AGO1: variants seen among roughly 807,000 people sequenced by gnomAD.
The protein encoded by AGO1 is argonaute RISC component 1.
A neutral mutation model predicts 109.2 loss-of-function variants in AGO1; 11 were observed. The ratio of observed to expected loss-of-function variants is 0.10; its 90% CI spans 0.06 to 0.17. The LOEUF (loss-of-function observed/expected upper bound fraction) is 0.17, where lower values mean the gene tolerates loss of function less well. AGO1 is among the 10% of genes least tolerant of loss of function. The probability of loss-of-function intolerance (pLI) is 1.00; values close to 1 mark genes in which losing one functional copy is unlikely to be tolerated. For synonymous variants in AGO1, 422 were observed against 418.6 expected, an observed-to-expected ratio of 1.01 and a Z score of -0.10; for missense variants, 574 against 1,140.3, an observed-to-expected ratio of 0.50 and a Z score of 7.15.
rs1253558654 is a variant in AGO1 at position 35,920,601 on chromosome 1, A to G, written c.*994A>G. ...CTCAAGATGGTTAAAATCCATTGACATTTGCACTTTCAAACATGACAAGTC... is the reference window on the plus strand; with the variant it reads ...CTCAAGATGGTTAAAATCCATTGACGTTTGCACTTTCAAACATGACAAGTC... On this transcript the variant is annotated 3_prime_UTR_variant, in exon 19 of 19. Coordinates refer to ENST00000373204, the MANE Select transcript of AGO1 (RefSeq NM_012199.5). The G allele has an allele frequency of 6.6e-6, 1 of 152,506 alleles. No individual in the cohort carries two copies. Among genetic ancestry groups the G allele is most frequent in the Non-Finnish European group, 1.5e-5 (1 of 68,034 alleles). The allele number at this position is 152,506 out of a possible 1,614,324, so 9.4% of individuals were successfully genotyped here.
chr1:35,917,687 G>A lies in AGO1; in HGVS notation c.2123G>A (p.Arg708His), dbSNP rs773801844. ...PGITYIVVQK[R>H]HHTRLFCADK... ...ATCACTTATATTGTGGTGCAGAAAC[G>A]CCATCACACCCGCCTTTTCTGTGCT... The change falls in exon 16 of 19, where the codon CGC becomes CAC. Residue 708 changes from arginine to histidine, a missense_variant. Physicochemically the swap from Arg to His is conservative, Grantham distance 29. Coordinates refer to ENST00000373204, the MANE Select transcript of AGO1 (RefSeq NM_012199.5). 1.9e-6 allele frequency: 3 copies of A among 1,613,362 alleles called. No homozygotes were observed. The highest frequency in any genetic ancestry group is 1.7e-6 in the Non-Finnish European group (2 of 1,179,540).
Position 35,893,349 on chromosome 1 carries a change from A to T in AGO1, c.512+71A>T. Reference sequence around the variant, plus strand: ...GCTGTCAGGGGAGGAGGGGGAGCACATATTAAGGTCCCACAGAGTGCCATT... The same window carrying T: ...GCTGTCAGGGGAGGAGGGGGAGCACTTATTAAGGTCCCACAGAGTGCCATT... On this transcript the variant is annotated intron_variant, in intron 4 of 18. Coordinates refer to ENST00000373204, the MANE Select transcript of AGO1 (RefSeq NM_012199.5). The surrounding 1 kb of genome is among the most constrained non-coding windows in gnomAD (Gnocchi z 5.6). 6.6e-7 allele frequency: 1 copy of T among 1,513,010 alleles called. No individual in the cohort carries two copies. The highest frequency in any genetic ancestry group is 8.9e-7 in the Non-Finnish European group (1 of 1,118,330). 93.7% of individuals were successfully genotyped at this position (1,513,010 alleles called of 1,614,324 possible). A position where few individuals can be genotyped will look rare whatever the true frequency, so the allele number is the denominator to read the frequency against.
At chr1:35,878,932 T>C (rs1019564500), upstream of AGO1, among the ~76,000 whole-genome samples, 5 of 152,022 alleles carry the variant, frequency 3.3e-5, no homozygotes, top group African/African-American at 1.2e-4. Context: ...AAATGTAGAT[T>C]GGGATGCAAA....
At chr1:35,891,918 C>T (rs1645227141) in intron 2 of AGO1, among the ~76,000 whole-genome samples, 1 of 149,978 alleles carries the variant, frequency 6.7e-6, no homozygotes, top group Non-Finnish European at 1.5e-5. Flanking sequence ...CGCTGTGTCC[C>T]CCAGGCCGGA....
At chr1:35,885,005 C>G (rs977391263) in intron 1 of AGO1, among the ~76,000 whole-genome samples, 3 of 152,074 alleles carry the variant, frequency 2.0e-5, no homozygotes, top group Admixed American at 6.6e-5. Flanking sequence ...CCCTCCCACC[C>G]TCCCAAGGAA....
In AGO1 at chr1:35,895,196, T is replaced by G; in HGVS notation, c.947T>G (p.Leu316Arg). The change falls in exon 8 of 19, where the codon CTT (leucine) becomes CGT (arginine). Residue 316 changes from leucine (L) to arginine (R), a missense_variant. Physicochemically the swap from Leu to Arg is moderately radical, Grantham distance 102. Around this residue, in one of 8 missense-constraint regions of AGO1, gnomAD observed 42 missense variants for 142.4 expected, o/e 0.29. Transcript: ENST00000373204. ...VAQYFKQKYN[L>R]QLKYPHLPCL... The stretch of plus-strand genomic sequence containing the variant: ...CAGTATTTCAAGCAGAAATATAACC[T>G]TCAGCTCAAGTATCCCCATCTGCCC... 1 of 1,614,108 alleles carries G rather than the reference T, an allele frequency of 6.2e-7. No homozygotes were observed. Among genetic ancestry groups the G allele is most frequent in the Non-Finnish European group, 8.5e-7 (1 of 1,180,012 alleles).
Position 35,888,708 on chromosome 1 carries a change from C to A in AGO1, c.209+98C>A. The A allele has an allele frequency of 2.2e-6, 3 of 1,364,572 alleles. No homozygotes were observed. Among genetic ancestry groups the A allele is most frequent in the South Asian group, 1.5e-5 (1 of 68,876 alleles). The allele number at this position is 1,364,572 out of a possible 1,614,324, so 84.5% of individuals were successfully genotyped here. A position where few individuals can be genotyped will look rare whatever the true frequency, so the allele number is the denominator to read the frequency against. On this transcript the variant is annotated intron_variant, in intron 2 of 18. Coordinates refer to ENST00000373204, the MANE Select transcript of AGO1 (RefSeq NM_012199.5). This position sits in a 1 kb window ranked among gnomAD's most constrained non-coding sequence, Gnocchi z 4.1. Reference sequence around the variant, plus strand: ...AAAAACCAGTAGAGGGTAGTATCACCAAATCTAAGGAAGTTTTTGAACGGG... The same window carrying A: ...AAAAACCAGTAGAGGGTAGTATCACAAAATCTAAGGAAGTTTTTGAACGGG...
chr1:35,911,694 A>G (rs1325250451), intron 12 of AGO1, among the ~76,000 whole-genome samples: 1 of 152,218 alleles, frequency 6.6e-6, no homozygotes, highest in Admixed American at 6.5e-5. Flanking sequence ...TTCCATTGAA[A>G]GCATACCAAA....
intron 1 of AGO1, among the ~76,000 whole-genome samples, chr1:35,870,799 C>G (rs1460400740): frequency 6.6e-6 from 1 of 152,136 alleles, no homozygotes; most frequent in Non-Finnish European, 1.5e-5. Context: ...TTTACCCTTG[C>G]TTTTTCTGTA....
chr1:35,894,223 G>C (rs1370784150), intron 6 of AGO1, 52 bp downstream of exon 6: 1 of 1,579,770 alleles, frequency 6.3e-7, no homozygotes, highest in Admixed American at 1.8e-5. Flanking sequence ...AGCCCTAAGA[G>C]GAAATCCCCT....
At chr1:35,909,902 C>T (rs2148720573) in intron 12 of AGO1, among the ~76,000 whole-genome samples, 1 of 152,070 alleles carries the variant, frequency 6.6e-6, no homozygotes, top group African/African-American at 2.4e-5. Context: ...TTTCTGATTT[C>T]CCTCCATTAA....
upstream of AGO1, chr1:35,883,160 G>T: frequency 8.8e-7 from 1 of 1,137,238 alleles, no homozygotes; most frequent in South Asian, 4.3e-5. The surrounding 1 kb of genome is among the most constrained non-coding windows in gnomAD (Gnocchi z 5.4). Context: ...GGAGCGCCCC[G>T]CTTGACTCGT....
intron 11 of AGO1, among the ~76,000 whole-genome samples, chr1:35,905,280 C>G (rs1645498530): frequency 6.6e-6 from 1 of 152,014 alleles, no homozygotes; most frequent in Non-Finnish European, 1.5e-5. Context: ...TGGTCAAAGC[C>G]CTAGCTGTTA....
chr1:35,895,151 CTG>C lies in AGO1; in HGVS notation c.905_906del (p.Val302GlyfsTer13). On this transcript the variant is annotated frameshift_variant, in exon 8 of 19. Coordinates refer to ENST00000373204, the MANE Select transcript of AGO1 (RefSeq NM_012199.5). LOFTEE classifies it high-confidence loss of function. ...CCCTTACAGCTGGAGAGTGGACAGA[CTG>C]TGGAGTGCACAGTGGCACAGTATTT... is the stretch of plus-strand genomic sequence containing the variant. 1 of 1,613,150 alleles carries C rather than the reference CTG, an allele frequency of 6.2e-7. No homozygotes were observed. The highest frequency in any genetic ancestry group is 8.5e-7 in the Non-Finnish European group (1 of 1,179,570).
intron 17 of AGO1, among the ~76,000 whole-genome samples, chr1:35,918,707 C>T (rs1455245895): frequency 6.6e-6 from 1 of 152,186 alleles, no homozygotes; most frequent in African/African-American, 2.4e-5. Context: ...AAGCATGCGC[C>T]ACCATGCCCA....
chr1:35,870,691 G>T (rs562292389), intron 1 of AGO1, among the ~76,000 whole-genome samples: 3 of 152,172 alleles, frequency 2.0e-5, no homozygotes, highest in Non-Finnish European at 4.4e-5. Flanking sequence ...CCTTATTTTG[G>T]TTTTTTACCT....
rs1030542908 is a variant in AGO1 at position 35,888,676 on chromosome 1, G to T, written c.209+66G>T. 5.3e-5 allele frequency: 83 copies of T among 1,569,718 alleles called. 1 individual carries two copies. In the Admixed American group the frequency reaches 1.0e-3, roughly 19 times the overall value. On this transcript the variant is annotated intron_variant, in intron 2 of 18. Coordinates refer to ENST00000373204, the MANE Select transcript of AGO1 (RefSeq NM_012199.5). The surrounding 1 kb of genome is among the most constrained non-coding windows in gnomAD (Gnocchi z 4.1). Reference sequence around the variant, plus strand: ...CAACCTTGAAAGAGGGGCCAGAAAGGTAAAAGAAAAACCAGTAGAGGGTAG... The same window carrying T: ...CAACCTTGAAAGAGGGGCCAGAAAGTTAAAAGAAAAACCAGTAGAGGGTAG...
At chr1:35,892,708 C>T (rs753150032) in intron 3 of AGO1, 31 bp downstream of exon 3, 23 of 1,613,914 alleles carry the variant, frequency 1.4e-5, no homozygotes, top group Non-Finnish European at 1.5e-5. Flanking sequence ...AGGCCTGTGT[C>T]AGGGGTCTGG....
chr1:35,908,763 A>G (rs900612160), intron 12 of AGO1, among the ~76,000 whole-genome samples: 2 of 151,106 alleles, frequency 1.3e-5, no homozygotes, highest in African/African-American at 4.9e-5. Context: ...AATTTTTCTC[A>G]AGATAATATG....
Sources: allele counts gnomAD v4.1 joint callset (sites outside exome capture counted in the v4.1 genomes callset), GRCh38; gene constraint gnomAD v4.1.1; regional missense constraint gnomAD v4.1.1; non-coding constraint Gnocchi (gnomAD v3.1); transcripts MANE v1.5; gene names NCBI Gene and HGNC (gene_info 2026-07-23, HGNC 2026-07-21).